KDM4C: variants seen among roughly 807,000 people sequenced by gnomAD.
KDM4C encodes lysine demethylase 4C, also known as lysine-specific demethylase 4C.
KDM4C carries 81 observed loss-of-function variants against 129.3 expected under a neutral mutation model. That is an observed-to-expected ratio of 0.63 (90% CI 0.52 to 0.75). The LOEUF is 0.75. Ranked by LOEUF, KDM4C falls within the 30% of genes least tolerant of loss-of-function variation. The pLI is 0.00. For synonymous variants in KDM4C, 573 were observed against 456.1 expected, an observed-to-expected ratio of 1.26 and a Z score of -3.26; for missense variants, 1,457 against 1,304.0, an observed-to-expected ratio of 1.12 and a Z score of -1.81.
intron 2 of KDM4C, among the ~76,000 whole-genome samples, chr9:6,802,119 A>T (rs1829105880): frequency 6.6e-6 from 1 of 152,020 alleles, no homozygotes. Flanking sequence ...AAAAAAAAAA[A>T]AGTATCAGTA....
chr9:7,002,357 G>A (rs1378527544), intron 12 of KDM4C, among the ~76,000 whole-genome samples: 1 of 151,910 alleles, frequency 6.6e-6, no homozygotes, highest in Non-Finnish European at 1.5e-5. Flanking sequence ...AAATTTATGG[G>A]GTACAAAATG....
intron 8 of KDM4C, among the ~76,000 whole-genome samples, chr9:6,940,888 A>G (rs904707029): frequency 1.4e-5 from 2 of 140,320 alleles, no homozygotes; most frequent in Non-Finnish European, 3.3e-5. Flanking sequence ...ACTTAAATTT[A>G]CAAGAAAAAA....
intron 15 of KDM4C, among the ~76,000 whole-genome samples, chr9:7,036,578 C>T (rs190499999): frequency 9.2e-5 from 14 of 152,112 alleles, no homozygotes; most frequent in African/African-American, 3.1e-4. Context: ...TGTAAATTGT[C>T]GTCTGCTGAT....
chr9:6,730,367 G>A (rs1024222683), intron 1 of KDM4C, among the ~76,000 whole-genome samples: 1 of 152,086 alleles, frequency 6.6e-6, no homozygotes, highest in Non-Finnish European at 1.5e-5. Flanking sequence ...TGTAATTCCA[G>A]CACTTTCGGA....
chr9:6,856,914 C>T lies in KDM4C; in HGVS notation c.629+7214C>T, dbSNP rs550194435. Reference sequence around the variant, plus strand: ...CTGGGACTACAGGCGCCCGCCACCGCGCCCGGCTAATTTTTTGTATTTTTA... The same window carrying T: ...CTGGGACTACAGGCGCCCGCCACCGTGCCCGGCTAATTTTTTGTATTTTTA... On this transcript the variant is annotated intron_variant, in intron 5 of 21. Coordinates refer to ENST00000381309, the MANE Select transcript of KDM4C (RefSeq NM_015061.6). 3.6e-3 allele frequency among the ~76,000 whole-genome samples: 540 copies of T among 151,970 alleles called. 3 individuals are homozygous for T. The highest frequency in any genetic ancestry group is 0.011 in the African/African-American group (443 of 41,440).
chr9:7,169,967 A>G (rs1301128041), intron 21 of KDM4C, 77 bp downstream of exon 21: 4 of 1,603,514 alleles, frequency 2.5e-6, no homozygotes, highest in African/African-American at 1.3e-5. Flanking sequence ...CAAGCCCAGC[A>G]GGAAACATAC....
chr9:6,872,219 A>G (rs1035624209), intron 5 of KDM4C, among the ~76,000 whole-genome samples: 19 of 152,322 alleles, frequency 1.2e-4, no homozygotes, highest in Admixed American at 5.2e-4. Context: ...AATAGTGACA[A>G]TAGTCTAGCT....
At chr9:6,914,286 C>T (rs982780760) in intron 8 of KDM4C, among the ~76,000 whole-genome samples, 8 of 152,006 alleles carry the variant, frequency 5.3e-5, no homozygotes, top group African/African-American at 1.7e-4. Context: ...CTTGAACTCC[C>T]GACCTCAGGT....
chr9:6,919,661 C>A (rs183153164), intron 8 of KDM4C, among the ~76,000 whole-genome samples: 1 of 151,536 alleles, frequency 6.6e-6, no homozygotes, highest in African/African-American at 2.4e-5. Flanking sequence ...CTGCAATCTC[C>A]GCCTCCCGGG....
At chr9:6,753,072 CAG>C (rs1353453074), upstream of KDM4C, among the ~76,000 whole-genome samples, 14 of 152,146 alleles carry the variant, frequency 9.2e-5, no homozygotes, top group Admixed American at 7.9e-4. Flanking sequence ...CAATACTAAT[CAG>C]TATCTCAAGA....
intron 19 of KDM4C, among the ~76,000 whole-genome samples, chr9:7,129,165 T>A (rs997220435): frequency 2.0e-5 from 3 of 152,194 alleles, no homozygotes; most frequent in African/African-American, 7.2e-5. Flanking sequence ...TTTGGAAAGA[T>A]ATTTTCAGCG....
chr9:6,835,574 C>A (rs1835734196), intron 4 of KDM4C: 1 of 1,009,150 alleles, frequency 9.9e-7, no homozygotes, highest in Non-Finnish European at 1.6e-6. Context: ...TCAAATGCTT[C>A]TAGGCGGACT....
At chr9:6,878,608 C>G (rs1157759407) in intron 5 of KDM4C, among the ~76,000 whole-genome samples, 3 of 152,152 alleles carry the variant, frequency 2.0e-5, no homozygotes, top group Non-Finnish European at 4.4e-5. Context: ...TTTCTGTGAG[C>G]ATATGGTTGA....
chr9:6,866,283 C>T (rs1841964922), intron 5 of KDM4C, among the ~76,000 whole-genome samples: 1 of 151,494 alleles, frequency 6.6e-6, no homozygotes, highest in Non-Finnish European at 1.5e-5. Flanking sequence ...TTCTTTCTTT[C>T]TTTTCTTTTC....
chr9:6,858,483 A>G (rs1318048529), intron 5 of KDM4C, among the ~76,000 whole-genome samples: 1 of 152,232 alleles, frequency 6.6e-6, no homozygotes, highest in Non-Finnish European at 1.5e-5. Context: ...GAAAGCAAGC[A>G]TTAATGCTGT....
chr9:6,899,799 G>A (rs1817090620), intron 8 of KDM4C, among the ~76,000 whole-genome samples: 1 of 152,124 alleles, frequency 6.6e-6, no homozygotes, highest in African/African-American at 2.4e-5. Flanking sequence ...TGGAGCTAGG[G>A]AGCCTGATTT....
intron 15 of KDM4C, among the ~76,000 whole-genome samples, chr9:7,023,049 T>C (rs1345808175): frequency 6.6e-6 from 1 of 152,210 alleles, no homozygotes; most frequent in Non-Finnish European, 1.5e-5. Flanking sequence ...TTTGGTTTGC[T>C]AGTATTTTGT....
At chr9:6,926,997 G>A (rs1242989210) in intron 8 of KDM4C, among the ~76,000 whole-genome samples, 1 of 152,086 alleles carries the variant, frequency 6.6e-6, no homozygotes, top group Non-Finnish European at 1.5e-5. Context: ...TTGATTGGGT[G>A]ACTATAGCTT....
rs1429298437 is a variant in KDM4C, at chr9:6,849,488, T to TTTTTCTCTCCTAAAA, written c.436-10_436-9insCTAAAATTTTCTCTC. 6.6e-7 allele frequency: 1 copy of TTTTTCTCTCCTAAAA among 1,517,540 alleles called. No individual in the cohort carries two copies. Among genetic ancestry groups the TTTTTCTCTCCTAAAA allele is most frequent in the Non-Finnish European group, 8.9e-7 (1 of 1,124,460 alleles). The allele number at this position is 1,517,540 out of a possible 1,614,324, so 94.0% of individuals were successfully genotyped here. ...TAGTAAGATTTGATTTCTCTCTCTT[T>TTTTTCTCTCCTAAAA]TTTTCTCTCTCATTCCAGGGTGTGG... On this transcript the variant is annotated intron_variant, in intron 4 of 21. Coordinates refer to ENST00000381309, the MANE Select transcript of KDM4C (RefSeq NM_015061.6).
Sources: allele counts gnomAD v4.1 joint callset (sites outside exome capture counted in the v4.1 genomes callset), GRCh38; gene constraint gnomAD v4.1.1; transcripts MANE v1.5; gene names NCBI Gene and HGNC (gene_info 2026-07-23, HGNC 2026-07-21).